SCAI: variants seen among roughly 807,000 people sequenced by gnomAD.
SCAI encodes protein SCAI.
A neutral mutation model predicts 92.2 loss-of-function variants in SCAI; 24 were observed. That is an observed-to-expected ratio of 0.26 (90% CI 0.19 to 0.37). The LOEUF (loss-of-function observed/expected upper bound fraction) is 0.37, where lower values mean the gene tolerates loss of function less well. Ranked by LOEUF, SCAI falls within the 10% of genes least tolerant of loss-of-function variation. SCAI has a pLI of 1.00. For missense variants in SCAI, 450 were observed against 736.2 expected, an observed-to-expected ratio of 0.61 and a Z score of 4.50; for synonymous variants, 261 against 258.6, an observed-to-expected ratio of 1.01 and a Z score of -0.09.
At chr9:124,979,162 C>T (rs1330337057) in intron 14 of SCAI, among the ~76,000 whole-genome samples, 1 of 151,596 alleles carries the variant, frequency 6.6e-6, no homozygotes, top group East Asian at 1.9e-4. Flanking sequence ...TGCCCAGCCT[C>T]AATACTTCTT....
At chr9:125,112,120 T>C (rs1272796351) in intron 2 of SCAI, among the ~76,000 whole-genome samples, 1 of 152,018 alleles carries the variant, frequency 6.6e-6, no homozygotes, top group African/African-American at 2.4e-5. Context: ...ACCTTATAAT[T>C]CCCTGGTATG....
chr9:125,036,339 GA>G lies in SCAI; in HGVS notation c.231-6601del, dbSNP rs1244761248. Among the ~76,000 whole-genome samples the G allele has an allele frequency of 2.0e-5, 3 of 152,284 alleles. No homozygotes were observed. The East Asian group carries it at 5.8e-4, about 29-fold the overall frequency. On this transcript the variant is annotated intron_variant, in intron 3 of 17. Transcript: ENST00000336505. ...CCTGCTACTATTTCTATGGGGCAGGGAAAAGAGTAGCTTTTGGGTAAATGAA... is the reference window on the plus strand; with the variant it reads ...CCTGCTACTATTTCTATGGGGCAGGGAAAGAGTAGCTTTTGGGTAAATGAA...
intron 17 of SCAI, among the ~76,000 whole-genome samples, chr9:124,969,152 C>T (rs1439985010): frequency 1.9e-4 from 29 of 152,024 alleles, no homozygotes. Context: ...ACTATGTTAC[C>T]CAGGCTGGTC....
chr9:125,114,482 A>T (rs1263655126), intron 2 of SCAI, among the ~76,000 whole-genome samples: 1 of 152,226 alleles, frequency 6.6e-6, no homozygotes, highest in Admixed American at 6.5e-5. Context: ...TGGAATTCTC[A>T]CTGAAGTACC....
intron 3 of SCAI, among the ~76,000 whole-genome samples, chr9:125,052,308 C>T (rs905400184): frequency 1.3e-5 from 2 of 152,060 alleles, no homozygotes; most frequent in Non-Finnish European, 1.5e-5. Flanking sequence ...CGGTGGCTCA[C>T]GCCTGTAATC....
chr9:125,079,996 C>T (rs1258042080), intron 2 of SCAI, among the ~76,000 whole-genome samples: 1 of 152,074 alleles, frequency 6.6e-6, no homozygotes, highest in Non-Finnish European at 1.5e-5. Context: ...TGTCTACATA[C>T]TACCAAAAGC....
At chr9:125,087,302 G>A (rs1355546740) in intron 2 of SCAI, among the ~76,000 whole-genome samples, 1 of 152,214 alleles carries the variant, frequency 6.6e-6, no homozygotes, top group African/African-American at 2.4e-5. Flanking sequence ...CTCAAGATTA[G>A]TAGCAGCCAT....
chr9:125,037,673 G>C (rs1324008618), intron 3 of SCAI, among the ~76,000 whole-genome samples: 3 of 152,186 alleles, frequency 2.0e-5, no homozygotes, highest in Non-Finnish European at 4.4e-5. Flanking sequence ...TCAGCACTTT[G>C]GGAGGCCAAG....
At chr9:125,019,082 A>T (rs373977834) in intron 8 of SCAI, 25 bp downstream of exon 8, 13 of 1,555,302 alleles carry the variant, frequency 8.4e-6, no homozygotes, top group Non-Finnish European at 8.8e-6. Context: ...ATCAATAATT[A>T]TGATTTTTCT....
chr9:124,966,234 G>A (rs1160606731), intron 17 of SCAI, among the ~76,000 whole-genome samples: 17 of 67,490 alleles, frequency 2.5e-4, no homozygotes, highest in Middle Eastern at 0.026. Flanking sequence ...CCCCTCCCCC[G>A]ACCCCACAAC....
chr9:125,003,508 T>C lies in SCAI; in HGVS notation c.924A>G (p.Pro308=). ...TATTCATCTGGGAAGCTAAATTCAT[T>C]GGCTCCCTTTCCAGAGCTTGTAACA... is the stretch of plus-strand genomic sequence containing the variant. The part of the protein sequence containing the change: ...FRMLQALERE[P]MNLASQMNKP... The change falls in exon 10 of 18, where the codon CCA becomes CCG. Residue 308 remains proline (P), a synonymous_variant. Coordinates refer to ENST00000336505, the MANE Select transcript of SCAI (RefSeq NM_001144877.3). The C allele has an allele frequency of 1.2e-6, 2 of 1,613,590 alleles. No individual in the cohort carries two copies. Among genetic ancestry groups the C allele is most frequent in the Non-Finnish European group, 1.7e-6 (2 of 1,179,530 alleles).
chr9:124,973,160 TA>T (rs1263413220), intron 15 of SCAI, among the ~76,000 whole-genome samples: 1 of 152,232 alleles, frequency 6.6e-6, no homozygotes, highest in African/African-American at 2.4e-5. Context: ...CATAATATTT[TA>T]AATAATTTTG....
chr9:125,079,722 G>A (rs1834171268), intron 2 of SCAI, among the ~76,000 whole-genome samples: 1 of 151,538 alleles, frequency 6.6e-6, no homozygotes, highest in Admixed American at 6.6e-5. Flanking sequence ...ATCCCTGTTA[G>A]CATCCAAATT....
chr9:125,045,578 C>T (rs1227681040), intron 3 of SCAI, among the ~76,000 whole-genome samples: 1 of 151,916 alleles, frequency 6.6e-6, no homozygotes, highest in Non-Finnish European at 1.5e-5. Flanking sequence ...TCAGGCAATC[C>T]TCTGGCCTTG....
chr9:125,142,458 G>T, intron 2 of SCAI, 175 bp downstream of exon 2: 1 of 540,408 alleles, frequency 1.9e-6, no homozygotes, highest in Non-Finnish European at 3.3e-6. Flanking sequence ...AAAATCGACT[G>T]TAGAGGTAGT....
intron 2 of SCAI, among the ~76,000 whole-genome samples, chr9:125,134,299 A>G (rs1008621367): frequency 6.6e-6 from 1 of 152,192 alleles, no homozygotes; most frequent in African/African-American, 2.4e-5. Flanking sequence ...GTATATATAC[A>G]AAGTCATTAC....
chr9:124,975,502 G>T (rs748937204), intron 15 of SCAI: 1 of 274,154 alleles, frequency 3.6e-6, no homozygotes, highest in Admixed American at 4.3e-5. Flanking sequence ...GATTTTATGT[G>T]TCACTAATTA....
intron 6 of SCAI, among the ~76,000 whole-genome samples, chr9:125,026,275 G>A (rs1409189401): frequency 6.6e-6 from 1 of 151,848 alleles, no homozygotes; most frequent in East Asian, 1.9e-4. Context: ...TTGGGATGCT[G>A]AAGCAGGATA....
chr9:124,962,934 G>T (rs960314904), intron 17 of SCAI, among the ~76,000 whole-genome samples: 5 of 151,452 alleles, frequency 3.3e-5, no homozygotes, highest in Admixed American at 6.6e-5. Context: ...GAGTAGCCGG[G>T]ATTACAGGTG....
Sources: allele counts gnomAD v4.1 joint callset (sites outside exome capture counted in the v4.1 genomes callset), GRCh38; gene constraint gnomAD v4.1.1; transcripts MANE v1.5; gene names NCBI Gene and HGNC (gene_info 2026-07-23, HGNC 2026-07-21).